Variants in ZNF726 observed in about 807,000 individuals in gnomAD.
ZNF726 encodes the protein zinc finger protein 726, also known as zinc finger protein 92 pseudogene 3.
ZNF726 carries 15 observed loss-of-function variants against 11.6 expected under a neutral mutation model. The observed-to-expected ratio is 1.29, with a 90% CI of 0.86 to 1.99. The LOEUF is 1.99. Among genes scored for constraint, ZNF726 ranks in the 30% most tolerant of loss-of-function variants. The pLI is 0.00. For missense variants in ZNF726, 890 were observed against 725.6 expected (o/e 1.23, Z -2.60); for synonymous variants, 295 against 243.6 (o/e 1.21, Z -1.96).
rs772739739 is a variant in ZNF726, at chr19:23,932,542, C to A, written c.426C>A (p.Gly142=). Residue 142 remains glycine (G), a synonymous_variant, in exon 4 of 4, where the codon GGC becomes GGA. Transcript: ENST00000594466. ...GLNQCFTTTQ[G]KASQCGKYLK... Reference sequence around the variant, plus strand: ...ACCAGTGTTTCACAACTACCCAGGGCAAAGCTTCTCAATGTGGTAAATATT... The same window carrying A: ...ACCAGTGTTTCACAACTACCCAGGGAAAAGCTTCTCAATGTGGTAAATATT... 4 of 1,589,374 alleles carry A rather than the reference C, an allele frequency of 2.5e-6. No homozygotes were observed. The highest frequency in any genetic ancestry group is 1.8e-5 in the Admixed American group (1 of 55,210).
intron 3 of ZNF726, chr19:23,928,244 G>C (rs1305281553): frequency 6.6e-6 from 1 of 152,126 alleles, no homozygotes; most frequent in Non-Finnish European, 1.5e-5. Context: ...CTGCTAAATT[G>C]TGAGCCAAAT....
chr19:23,931,399 G>A (rs1968102101), intron 3 of ZNF726, among the ~76,000 whole-genome samples: 1 of 151,616 alleles, frequency 6.6e-6, no homozygotes, highest in African/African-American at 2.4e-5. Flanking sequence ...TTTTGTTCTC[G>A]TCCTCATTTT....
Position 23,934,006 on chromosome 19 carries a change from T to G in ZNF726, c.*39T>G. 1 of 1,575,714 alleles carries G rather than the reference T, an allele frequency of 6.3e-7. No homozygotes were observed. The highest frequency in any genetic ancestry group is 8.6e-7 in the Non-Finnish European group (1 of 1,156,886). On this transcript the variant is annotated 3_prime_UTR_variant, in exon 4 of 4. Transcript: ENST00000594466. ...AAGGGTAAAGAATGTGGCAAAGCAT[T>G]TATATGGTCCTCAACGCTAAACATA... is the stretch of plus-strand genomic sequence containing the variant.
downstream of ZNF726, chr19:23,935,071 G>A (rs569054586): frequency 5.4e-5 from 19 of 350,328 alleles, no homozygotes; most frequent in African/African-American, 2.1e-4. Flanking sequence ...TTTGAATCCA[G>A]CCAGGCAGAC....
At chr19:23,923,409 A>ATT (rs567346496) in intron 3 of ZNF726, 5,982 of 330,760 alleles carry the variant, frequency 0.018, 1 homozygote, top group South Asian at 0.033. Flanking sequence ...GATGCCAGTA[A>ATT]TTTTTTTTTT....
intron 3 of ZNF726, among the ~76,000 whole-genome samples, chr19:23,929,984 G>C (rs961684059): frequency 1.3e-5 from 2 of 152,054 alleles, no homozygotes; most frequent in Non-Finnish European, 2.9e-5. Flanking sequence ...ACTATATGTA[G>C]AGTCTCACTG....
At chr19:23,943,755 C>A (rs1227397494) in intron 4 of ZNF726, 4 of 430,062 alleles carry the variant, frequency 9.3e-6, no homozygotes, top group East Asian at 6.3e-5. Flanking sequence ...TTGTCCCATA[C>A]CCTTAAATTA....
intron 3 of ZNF726, chr19:23,928,327 A>C (rs1047023168): frequency 1.3e-5 from 2 of 152,172 alleles, no homozygotes; most frequent in Non-Finnish European, 2.9e-5. Flanking sequence ...ACAGTCTATA[A>C]TGTTGTCTAG....
rs184208851 is a variant in ZNF726, at chr19:23,933,317, G to A, written c.1201G>A (p.Glu401Lys). The change falls in exon 4 of 4, where the codon GAA becomes AAA. Residue 401 changes from glutamate to lysine, a missense_variant. Transcript: ENST00000594466. ...HTGEKPYKCE[E>K]CGKAFHRSSN... ...TGGAGAGAAACCCTACAAATGTGAA[G>A]AATGTGGCAAAGCTTTTCATCGATC... is the stretch of plus-strand genomic sequence containing the variant. 4.9e-4 allele frequency: 793 copies of A among 1,613,514 alleles called. 4 individuals carry two copies. The African/African-American group carries it at 9.7e-3, about 20-fold the overall frequency.
chr19:23,927,214 G>A (rs375549889), intron 3 of ZNF726, among the ~76,000 whole-genome samples: 10 of 151,880 alleles, frequency 6.6e-5, no homozygotes, highest in African/African-American at 1.5e-4. Context: ...CAATCCACCC[G>A]CCTCAGCCTC....
At position 23,926,603 on chromosome 19, in the gene ZNF726, G is replaced by A. The variant is rs540625611; in HGVS notation, c.227-5740G>A. Among the ~76,000 whole-genome samples the A allele has an allele frequency of 3.3e-5, 5 of 149,426 alleles. No homozygotes were observed. The South Asian group carries it at 1.1e-3, about 32-fold the overall frequency. ...AAAAAAAAAAAAGTTATCTTCCTAT[G>A]TCTAATGAAAAGATTTTTCACATAT... On this transcript the variant is annotated intron_variant, in intron 3 of 3. Transcript: ENST00000594466.
chr19:23,933,109 TAA>T lies in ZNF726; in HGVS notation c.994_995del (p.Lys332GlufsTer12). ...FVWSSTLTRHKRLHSGEKPYK... is the reference protein window; with the variant it reads ...FVWSSTLTRHXRLHSGEKPYK... ...TTTGGTCCTCAACCCTAACTAGACA[TAA>T]GAGGCTGCACAGTGGAGAGAAACCC... On this transcript the variant is annotated frameshift_variant, in exon 4 of 4. Coordinates refer to ENST00000594466, the MANE Select transcript of ZNF726 (RefSeq NM_001244038.2). LOFTEE classifies it low-confidence loss of function (END_TRUNC). The T allele has an allele frequency of 1.9e-6, 3 of 1,612,180 alleles. No homozygotes were observed. Among genetic ancestry groups the T allele is most frequent in the Non-Finnish European group, 1.7e-6 (2 of 1,179,944 alleles).
chr19:23,915,763 C>A (rs917237900), intron 1 of ZNF726, among the ~76,000 whole-genome samples: 1 of 151,744 alleles, frequency 6.6e-6, no homozygotes, highest in Admixed American at 6.6e-5. Context: ...TTATTTTTAG[C>A]GGAGACGGGG....
chr19:23,944,086 T>C (rs1242918315), intron 4 of ZNF726: 1 of 152,268 alleles, frequency 6.6e-6, no homozygotes, highest in African/African-American at 2.4e-5. Flanking sequence ...TGATAGCTCA[T>C]TATTGTTTTC....
Position 23,933,785 on chromosome 19 carries a change from ATAAT to A in ZNF726, c.1671_1674del (p.His559LeufsTer26). ...ATCCTCAAATCTTAGTACACATAAG[ATAAT>A]TCATACTGGAGAGAAACCTTACAAG... On this transcript the variant is annotated frameshift_variant, in exon 4 of 4. Transcript: ENST00000594466. LOFTEE classifies it low-confidence loss of function (END_TRUNC). 6.2e-7 allele frequency: 1 copy of A among 1,609,020 alleles called. No homozygotes were observed. The highest frequency in any genetic ancestry group is 8.5e-7 in the Non-Finnish European group (1 of 1,178,366).
At chr19:23,915,770 G>T (rs187182192) in intron 1 of ZNF726, among the ~76,000 whole-genome samples, 1 of 151,810 alleles carries the variant, frequency 6.6e-6, no homozygotes, top group Non-Finnish European at 1.5e-5. Context: ...TAGCGGAGAC[G>T]GGGGTTTCAC....
At chr19:23,917,261 T>C (rs1363776409) in intron 1 of ZNF726, among the ~76,000 whole-genome samples, 3 of 152,252 alleles carry the variant, frequency 2.0e-5, no homozygotes, top group Non-Finnish European at 2.9e-5. Flanking sequence ...GACCTCAGTT[T>C]TTTAACTGTG....
downstream of ZNF726, among the ~76,000 whole-genome samples, chr19:23,938,716 C>A (rs1313596413): frequency 1.3e-5 from 2 of 150,852 alleles, no homozygotes; most frequent in Non-Finnish European, 3.0e-5. Flanking sequence ...CAAGCAGTTC[C>A]CCTGCCTCAG....
In ZNF726 at chr19:23,920,026, A is replaced by C. The variant is rs747754233; in HGVS notation, c.170A>C (p.Glu57Ala). ...AAGCCAGACCTCATCATCTGTCTGGAGAAAGAAAAAGAGCCCTGGAATATG... is the reference window on the plus strand; with the variant it reads ...AAGCCAGACCTCATCATCTGTCTGGCGAAAGAAAAAGAGCCCTGGAATATG... ...VSKPDLIICL[E>A]KEKEPWNMKR... Residue 57 changes from glutamate to alanine, a missense_variant, in exon 3 of 4, where the codon GAG becomes GCG. By Grantham distance (107) the Glu-to-Ala change is moderately radical (BLOSUM62 -1). Transcript: ENST00000594466. The C allele has an allele frequency of 6.3e-7, 1 of 1,589,826 alleles. No individual in the cohort carries two copies. The highest frequency in any genetic ancestry group is 8.6e-7 in the Non-Finnish European group (1 of 1,165,994).
Sources: allele counts gnomAD v4.1 joint callset (sites outside exome capture counted in the v4.1 genomes callset), GRCh38; gene constraint gnomAD v4.1.1; transcripts MANE v1.5; gene names NCBI Gene and HGNC (gene_info 2026-07-23, HGNC 2026-07-21).